TTYH3: variants seen among roughly 807,000 people sequenced by gnomAD.
TTYH3 encodes tweety family member 3.
In TTYH3, 23 loss-of-function variants were observed where a neutral mutation model predicts 68.2. The ratio of observed to expected loss-of-function variants is 0.34; its 90% CI spans 0.24 to 0.48. TTYH3 has a LOEUF of 0.48. Among genes scored for constraint, TTYH3 ranks in the 20% least tolerant of loss-of-function variants. The pLI is 0.99. For synonymous variants in TTYH3, 360 were observed against 332.8 expected (o/e 1.08, Z -0.89); for missense variants, 768 against 727.7 (o/e 1.06, Z -0.64).
intron 1 of TTYH3, among the ~76,000 whole-genome samples, chr7:2,633,210 A>C (rs1785568283): frequency 6.6e-6 from 1 of 151,706 alleles, no homozygotes; most frequent in Non-Finnish European, 1.5e-5. Flanking sequence ...GTCCCTGGTC[A>C]CCCGGAGTTT....
At chr7:2,656,236 G>A (rs1326647967) in intron 10 of TTYH3, 52 bp downstream of exon 10, 2 of 1,549,898 alleles carry the variant, frequency 1.3e-6, no homozygotes, top group East Asian at 4.8e-5. Context: ...GGTGGGAACA[G>A]GGGAGCAGCT....
Position 2,639,222 on chromosome 7 carries a change from C to T in TTYH3, c.123+6944C>T, listed in dbSNP as rs118084458. Among the ~76,000 whole-genome samples, 72 of 152,328 alleles carry T rather than the reference C, an allele frequency of 4.7e-4. 3 individuals carry two copies. In the East Asian group the frequency reaches 0.01, roughly 22 times the overall value. ...TCCCACTCCCACCTCTCGCCTGCCACGTCCTCCCGGAGCCCCGTGCTGCTG... is the reference window on the plus strand; with the variant it reads ...TCCCACTCCCACCTCTCGCCTGCCATGTCCTCCCGGAGCCCCGTGCTGCTG... On this transcript the variant is annotated intron_variant, in intron 1 of 13. Coordinates refer to ENST00000258796, the MANE Select transcript of TTYH3 (RefSeq NM_025250.3).
At chr7:2,637,675 C>A (rs1785716265) in intron 1 of TTYH3, among the ~76,000 whole-genome samples, 2 of 152,156 alleles carry the variant, frequency 1.3e-5, no homozygotes, top group Non-Finnish European at 2.9e-5. Flanking sequence ...ATGGGAAGTG[C>A]CTGACGTGGC....
intron 9 of TTYH3, 130 bp downstream of exon 9, chr7:2,653,140 G>A: frequency 1.4e-6 from 1 of 736,606 alleles, no homozygotes. Flanking sequence ...TGGGGACCTG[G>A]TGTTGGAGGT....
At chr7:2,632,829 C>T (rs1003547636) in intron 1 of TTYH3, among the ~76,000 whole-genome samples, 45 of 152,368 alleles carry the variant, frequency 3.0e-4, no homozygotes, top group African/African-American at 8.2e-4. Flanking sequence ...TGGCCTGGGC[C>T]GCCGCCAGCC....
chr7:2,654,966 G>A (rs1057212484), intron 9 of TTYH3, among the ~76,000 whole-genome samples: 41 of 151,880 alleles, frequency 2.7e-4, no homozygotes, highest in African/African-American at 9.7e-4. Flanking sequence ...AAGGACACCC[G>A]TCCCATGGGG....
chr7:2,635,384 C>T (rs975869353), intron 1 of TTYH3, among the ~76,000 whole-genome samples: 6 of 152,300 alleles, frequency 3.9e-5, no homozygotes, highest in Admixed American at 1.3e-4. Context: ...GGGCTTTATT[C>T]GGGGGAGGCC....
intron 1 of TTYH3, among the ~76,000 whole-genome samples, chr7:2,644,809 C>G (rs893419024): frequency 3.3e-5 from 5 of 152,194 alleles, no homozygotes; most frequent in African/African-American, 1.2e-4. Context: ...GTGGAAAGGC[C>G]GCCTTCGGGT....
chr7:2,649,228 C>T (rs1232189756), intron 5 of TTYH3, among the ~76,000 whole-genome samples: 2 of 152,202 alleles, frequency 1.3e-5, no homozygotes, highest in African/African-American at 2.4e-5. Context: ...TGGGCTGCTA[C>T]GTGGGCGGCG....
chr7:2,659,125 G>T, intron 13 of TTYH3, 110 bp downstream of exon 13: 1 of 1,145,846 alleles, frequency 8.7e-7, no homozygotes, highest in Admixed American at 2.0e-5. Context: ...GAGCTCTGGG[G>T]GCAGCTGTGA....
At chr7:2,640,356 C>T (rs1163854780) in intron 1 of TTYH3, among the ~76,000 whole-genome samples, 2 of 152,138 alleles carry the variant, frequency 1.3e-5, no homozygotes, top group Admixed American at 6.5e-5. Flanking sequence ...GCGGGGTGGG[C>T]AGCTGCTCCC....
intron 6 of TTYH3, 26 bp downstream of exon 6, chr7:2,649,665 C>G (rs1786106769): frequency 6.3e-7 from 1 of 1,585,022 alleles, no homozygotes; most frequent in Non-Finnish European, 8.5e-7. Context: ...GGTGAGGTCC[C>G]CGGCTGCTGG....
chr7:2,634,971 G>A (rs1436666838), intron 1 of TTYH3, among the ~76,000 whole-genome samples: 1 of 152,038 alleles, frequency 6.6e-6, no homozygotes, highest in African/African-American at 2.4e-5. Context: ...GCTGATGGGG[G>A]CTGAGGGAGC....
chr7:2,662,188 A>C lies in TTYH3; in HGVS notation c.*449A>C, dbSNP rs1007189839. The C allele has an allele frequency of 1.0e-5, 3 of 290,088 alleles. No individual in the cohort carries two copies. The highest frequency in any genetic ancestry group is 6.8e-5 in the African/African-American group (3 of 44,136). The allele number at this position is 290,088 out of a possible 1,614,324, so 18.0% of individuals were successfully genotyped here. A position where few individuals can be genotyped will look rare whatever the true frequency, so the allele number is the denominator to read the frequency against. ...GCTGGCGCCTGCTGGCCACTGAGGGACAGGGACACGTGCCACCTGCTCATC... is the reference window on the plus strand; with the variant it reads ...GCTGGCGCCTGCTGGCCACTGAGGGCCAGGGACACGTGCCACCTGCTCATC... On this transcript the variant is annotated 3_prime_UTR_variant, in exon 14 of 14. Transcript: ENST00000258796.
intron 9 of TTYH3, among the ~76,000 whole-genome samples, chr7:2,653,598 C>G (rs182344848): frequency 2.0e-5 from 3 of 152,340 alleles, no homozygotes; most frequent in African/African-American, 4.8e-5. Context: ...CGCGGTGGCT[C>G]ACGCCTGTAA....
intron 11 of TTYH3, 102 bp from the exon 12 acceptor site, chr7:2,658,184 G>C (rs1010298283): frequency 1.0e-5 from 13 of 1,252,784 alleles, no homozygotes; most frequent in Non-Finnish European, 1.4e-5. Flanking sequence ...AGCCAGAACT[G>C]GAACCAGGAG....
intron 1 of TTYH3, among the ~76,000 whole-genome samples, chr7:2,640,448 A>T (rs1413111273): frequency 6.6e-6 from 1 of 151,660 alleles, no homozygotes; most frequent in African/African-American, 2.4e-5. Flanking sequence ...CTTGCTGTGC[A>T]CCCTCCCGAG....
At position 2,645,917 on chromosome 7, in the gene TTYH3, G is replaced by A. The variant is rs893759517; in HGVS notation, c.124-936G>A. 1.3e-5 allele frequency: 6 copies of A among 464,546 alleles called. No homozygotes were observed. Among genetic ancestry groups the A allele is most frequent in the Middle Eastern group, 3.3e-4 (1 of 3,038 alleles). The allele number at this position is 464,546 out of a possible 1,614,324, so 28.8% of individuals were successfully genotyped here. On this transcript the variant is annotated intron_variant, in intron 1 of 13. Transcript: ENST00000258796. This position sits in a 1 kb window ranked among gnomAD's most constrained non-coding sequence, Gnocchi z 4.8. ...AGAGTTCTGGGCCTGAGACGGGGACGGGCTCTGGGGTCCTGGGGCTGTCTC... is the reference window on the plus strand; with the variant it reads ...AGAGTTCTGGGCCTGAGACGGGGACAGGCTCTGGGGTCCTGGGGCTGTCTC...
rs930911753 is a variant in TTYH3, at chr7:2,647,076, G to A, written c.293+54G>A. 1.7e-4 allele frequency: 257 copies of A among 1,532,756 alleles called. 1 individual carries two copies. Among genetic ancestry groups the A allele is most frequent in the Non-Finnish European group, 1.4e-4 (156 of 1,141,258 alleles). 94.9% of individuals were successfully genotyped at this position (1,532,756 alleles called of 1,614,324 possible). A position where few individuals can be genotyped will look rare whatever the true frequency, so the allele number is the denominator to read the frequency against. On this transcript the variant is annotated intron_variant, in intron 2 of 13. Coordinates refer to ENST00000258796, the MANE Select transcript of TTYH3 (RefSeq NM_025250.3). ...CGGGGCCAGAGGGGGCGGCCCGAGG[G>A]GGCGGGGCTGGAGTGGGGTGTGTGT...
Sources: allele counts gnomAD v4.1 joint callset (sites outside exome capture counted in the v4.1 genomes callset), GRCh38; gene constraint gnomAD v4.1.1; non-coding constraint Gnocchi (gnomAD v3.1); transcripts MANE v1.5; gene names NCBI Gene and HGNC (gene_info 2026-07-23, HGNC 2026-07-21).